Variants in YTHDC2 observed in about 807,000 individuals in gnomAD.
YTHDC2 encodes the protein YTH N6-methyladenosine RNA binding protein C2.
Under a neutral mutation model 174.9 loss-of-function variants are expected in YTHDC2, and 45 were observed. The ratio of observed to expected loss-of-function variants is 0.26; its 90% CI spans 0.20 to 0.33. The LOEUF (loss-of-function observed/expected upper bound fraction) is 0.33. YTHDC2 is among the 10% of genes least tolerant of loss of function. The pLI, the probability that YTHDC2 is intolerant of heterozygous loss-of-function variation, is 1.00. For missense variants in YTHDC2, 1,650 were observed against 1,723.7 expected (o/e 0.96, Z 0.76); for synonymous variants, 657 against 574.5 (o/e 1.14, Z -2.05).
chr5:113,544,590 C>T (rs1775722588), intron 10 of YTHDC2, among the ~76,000 whole-genome samples: 1 of 152,144 alleles, frequency 6.6e-6, no homozygotes, highest in African/African-American at 2.4e-5. Flanking sequence ...TGAAATCTAA[C>T]TACATAGCAT....
intron 26 of YTHDC2, among the ~76,000 whole-genome samples, chr5:113,589,395 TAAAA>T (rs1156968093): frequency 4.9e-4 from 56 of 114,460 alleles, no homozygotes; most frequent in East Asian, 4.7e-3. Context: ...TTTTAAAAAT[TAAAA>T]AAAAAAAAAA....
At chr5:113,516,257 G>A (rs557672871) in intron 2 of YTHDC2, among the ~76,000 whole-genome samples, 1 of 152,204 alleles carries the variant, frequency 6.6e-6, no homozygotes, top group Admixed American at 6.5e-5. Context: ...ATAATAATAA[G>A]CTTTAGAGCA....
intron 4 of YTHDC2, 41 bp downstream of exon 4, chr5:113,526,826 AAT>A (rs753695226): frequency 0.045 from 6,515 of 144,944 alleles, 87 homozygotes; most frequent in South Asian, 0.057. Context: ...AAAAAAAAAA[AAT>A]ATATATATAT....
chr5:113,545,942 G>A (rs1168633372), intron 10 of YTHDC2, among the ~76,000 whole-genome samples: 1 of 104,002 alleles, frequency 9.6e-6, no homozygotes, highest in Admixed American at 1.0e-4. Context: ...GGGTTTCACC[G>A]TTTTAGCCGG....
intron 17 of YTHDC2, among the ~76,000 whole-genome samples, chr5:113,560,853 G>T (rs960813668): frequency 6.6e-6 from 1 of 152,176 alleles, no homozygotes; most frequent in South Asian, 2.1e-4. Flanking sequence ...CCTACAAGAT[G>T]TATCAGGTAG....
At chr5:113,560,097 T>G (rs1218895614) in intron 17 of YTHDC2, among the ~76,000 whole-genome samples, 1 of 152,216 alleles carries the variant, frequency 6.6e-6, no homozygotes, top group Admixed American at 6.5e-5. Flanking sequence ...CTCATTCCTT[T>G]CATCAAACAA....
chr5:113,526,823 A>AT (rs1561628673), intron 4 of YTHDC2, 38 bp downstream of exon 4: 191 of 326,322 alleles, frequency 5.9e-4, no homozygotes, highest in Admixed American at 8.6e-4. Flanking sequence ...AAAAAAAAAA[A>AT]AAAATATATA....
chr5:113,531,006 G>A (rs1038173915), intron 4 of YTHDC2, among the ~76,000 whole-genome samples: 3 of 152,002 alleles, frequency 2.0e-5, no homozygotes, highest in African/African-American at 4.8e-5. Context: ...CCTTCTCTCC[G>A]CTCTTTTCTT....
chr5:113,567,417 T>G, intron 22 of YTHDC2, 120 bp downstream of exon 22: 2 of 352,356 alleles, frequency 5.7e-6, no homozygotes, highest in Non-Finnish European at 8.7e-6. Context: ...TATATATATA[T>G]ATATATATAT....
chr5:113,564,075 A>C lies in YTHDC2; in HGVS notation c.2659A>C (p.Lys887Gln). 1 of 1,614,154 alleles carries C rather than the reference A, an allele frequency of 6.2e-7. No homozygotes were observed. Among genetic ancestry groups the C allele is most frequent in the Non-Finnish European group, 8.5e-7 (1 of 1,180,030 alleles). The change falls in exon 20 of 30, where the codon AAA (lysine) becomes CAA (glutamine). Residue 887 changes from lysine (K) to glutamine (Q), a missense_variant. This residue lies in a region of YTHDC2 where 913 missense variants were observed against 940.4 expected (regional missense o/e 0.97). Coordinates refer to ENST00000161863, the MANE Select transcript of YTHDC2 (RefSeq NM_022828.5). ...SQKRAAMLCR[K>Q]RFTAGAFSDH... ...AAAACGTGCAGCTATGCTTTGTAGG[A>C]AACGTTTTACTGCAGGAGCTTTCAG...
chr5:113,529,596 AT>A (rs1488608974), intron 4 of YTHDC2, among the ~76,000 whole-genome samples: 1 of 152,098 alleles, frequency 6.6e-6, no homozygotes, highest in African/African-American at 2.4e-5. Context: ...GATAAATCAT[AT>A]TTTAACTTGC....
chr5:113,539,176 A>G lies in YTHDC2; in HGVS notation c.1205A>G (p.Gln402Arg). The change falls in exon 8 of 30, where the codon CAG becomes CGG. Residue 402 changes from glutamine (Q) to arginine (R), a missense_variant. This residue lies in a region of YTHDC2 where 411 missense variants were observed against 380.6 expected (regional missense o/e 1.08). Transcript: ENST00000161863. Reference protein sequence around the residue: ...KEMLKYKKEKQQEEKQQTTLT... With the variant: ...KEMLKYKKEKRQEEKQQTTLT... ...ATGTTAAAATATAAAAAGGAAAAAC[A>G]GCAAGGTAAATTTTTTAATAAAAGA... 5 of 1,325,072 alleles carry G rather than the reference A, an allele frequency of 3.8e-6. No homozygotes were observed. The highest frequency in any genetic ancestry group is 5.1e-6 in the Non-Finnish European group (5 of 976,694). 82.1% of individuals were successfully genotyped at this position (1,325,072 alleles called of 1,614,324 possible).
At chr5:113,515,970 A>T (rs1281373032) in intron 2 of YTHDC2, among the ~76,000 whole-genome samples, 1 of 152,134 alleles carries the variant, frequency 6.6e-6, no homozygotes, top group African/African-American at 2.4e-5. Context: ...CTTTCTGGTA[A>T]AGCAGGGGAA....
chr5:113,558,266 A>G (rs537545347), intron 17 of YTHDC2, among the ~76,000 whole-genome samples: 1 of 152,342 alleles, frequency 6.6e-6, no homozygotes, highest in African/African-American at 2.4e-5. Flanking sequence ...TTTTAAAAAA[A>G]TAAACAGTGG....
At position 113,567,308 on chromosome 5, in the gene YTHDC2, T is replaced by G. The variant is rs775734370; in HGVS notation, c.3048+11T>G. 4.4e-6 allele frequency: 7 copies of G among 1,594,922 alleles called. No individual in the cohort carries two copies. The East Asian group carries it at 9.0e-5, about 20-fold the overall frequency. ...CCTCAATATAAAAAGGTAAAAGATTTTGAATGCTGTTGGGTTTTGAGGTGA... is the reference window on the plus strand; with the variant it reads ...CCTCAATATAAAAAGGTAAAAGATTGTGAATGCTGTTGGGTTTTGAGGTGA... On this transcript the variant is annotated intron_variant, in intron 22 of 29. Transcript: ENST00000161863.
In YTHDC2 at chr5:113,594,596, T is replaced by A. The variant is rs111386813; in HGVS notation, c.*1122T>A. The stretch of plus-strand genomic sequence containing the variant: ...ATATTTCTTTGCCATCTCAGAATTA[T>A]CTTTTTACCACCACTGTTTATAAAA... On this transcript the variant is annotated 3_prime_UTR_variant, in exon 30 of 30. Coordinates refer to ENST00000161863, the MANE Select transcript of YTHDC2 (RefSeq NM_022828.5). 1 of 152,294 alleles carries A rather than the reference T, an allele frequency of 6.6e-6. No homozygotes were observed. Among genetic ancestry groups the A allele is most frequent in the Non-Finnish European group, 1.5e-5 (1 of 68,014 alleles). The allele number at this position is 152,294 out of a possible 1,614,324, so 9.4% of individuals were successfully genotyped here.
At chr5:113,532,767 A>G in intron 4 of YTHDC2, 112 bp from the exon 5 acceptor site, 2 of 889,264 alleles carry the variant, frequency 2.2e-6, no homozygotes, top group Non-Finnish European at 3.3e-6. Flanking sequence ...TTTTATGATT[A>G]TATTTGGACT....
At chr5:113,514,878 ATC>A (rs1345985494) in intron 1 of YTHDC2, among the ~76,000 whole-genome samples, 2 of 152,250 alleles carry the variant, frequency 1.3e-5, no homozygotes, top group Non-Finnish European at 2.9e-5. Flanking sequence ...ATTTGAACAT[ATC>A]TCATCATTGA....
Position 113,584,399 on chromosome 5 carries a change from G to C in YTHDC2, c.3745G>C (p.Asp1249His). The change falls in exon 26 of 30, where the codon GAT becomes CAT. Residue 1249 changes from aspartate to histidine, a missense_variant. Around this residue, in one of 5 missense-constraint regions of YTHDC2, gnomAD observed 913 missense variants for 940.4 expected, o/e 0.97. Coordinates refer to ENST00000161863, the MANE Select transcript of YTHDC2 (RefSeq NM_022828.5). ...TAAACGAGGTACTGAGGACCGATCA[G>C]ATCAGTCTTCTCTGAAATCTACAGA... Reference protein sequence around the residue: ...HPKRGTEDRSDQSSLKSTDSS... With the variant: ...HPKRGTEDRSHQSSLKSTDSS... 6.2e-7 allele frequency: 1 copy of C among 1,613,934 alleles called. No individual in the cohort carries two copies. Among genetic ancestry groups the C allele is most frequent in the Non-Finnish European group, 8.5e-7 (1 of 1,179,892 alleles).
Sources: allele counts gnomAD v4.1 joint callset (sites outside exome capture counted in the v4.1 genomes callset), GRCh38; gene constraint gnomAD v4.1.1; regional missense constraint gnomAD v4.1.1; transcripts MANE v1.5; gene names NCBI Gene and HGNC (gene_info 2026-07-23, HGNC 2026-07-21).